The following RANBP2 variants were observed in gnomAD, a reference collection of about 807,000 sequenced individuals.
The protein encoded by RANBP2 is RAN binding protein 2.
In RANBP2, 57 loss-of-function variants were observed where a neutral mutation model predicts 303.6. The ratio of observed to expected loss-of-function variants is 0.19; its 90% CI spans 0.15 to 0.23. The LOEUF (loss-of-function observed/expected upper bound fraction) is 0.23. Among genes scored for constraint, RANBP2 ranks in the 10% least tolerant of loss-of-function variants. The pLI, the probability that RANBP2 is intolerant of heterozygous loss-of-function variation, is 1.00. For missense variants in RANBP2, 3,138 were observed against 3,780.8 expected, an observed-to-expected ratio of 0.83 and a Z score of 4.46; for synonymous variants, 1,167 against 1,301.5, an observed-to-expected ratio of 0.90 and a Z score of 2.23.
the RANBP2 span, among the ~76,000 whole-genome samples, chr2:109,225,417 G>A: frequency 6.6e-6 from 1 of 152,174 alleles, no homozygotes; most frequent in Non-Finnish European, 1.5e-5. Context: ...ACGTTAACAG[G>A]TTTCACAACG....
At chr2:109,472,363 C>T in the RANBP2 span, among the ~76,000 whole-genome samples, 7 of 151,868 alleles carry the variant, frequency 4.6e-5, no homozygotes, top group Admixed American at 4.6e-4. Flanking sequence ...GGTGTGCATG[C>T]AGGGTGTCCT....
chr2:109,017,190 G>A, the RANBP2 span, among the ~76,000 whole-genome samples: 91 of 152,308 alleles, frequency 6.0e-4, no homozygotes, highest in Admixed American at 2.3e-3. Context: ...CATTCTCTGC[G>A]TGCCAAAGGC....
chr2:109,242,782 G>T, the RANBP2 span, among the ~76,000 whole-genome samples: 1 of 152,194 alleles, frequency 6.6e-6, no homozygotes, highest in African/African-American at 2.4e-5. Flanking sequence ...TCAGGCTGGG[G>T]TGTGGCAAGT....
the RANBP2 span, among the ~76,000 whole-genome samples, chr2:108,825,011 T>C: frequency 6.6e-6 from 1 of 152,200 alleles, no homozygotes; most frequent in Non-Finnish European, 1.5e-5. Context: ...ACTAGACATA[T>C]GTATGGAAGA....
chr2:109,286,542 C>T, the RANBP2 span, among the ~76,000 whole-genome samples: 1 of 152,196 alleles, frequency 6.6e-6, no homozygotes, highest in Non-Finnish European at 1.5e-5. Flanking sequence ...AACCCCAGAG[C>T]CAGGGGTTTG....
chr2:109,520,461 G>A, the RANBP2 span, among the ~76,000 whole-genome samples: 2 of 151,928 alleles, frequency 1.3e-5, no homozygotes, highest in South Asian at 2.1e-4. Flanking sequence ...TTAGCCGGGG[G>A]TGGTGGCACA....
chr2:109,552,721 C>A, the RANBP2 span: 3 of 192,404 alleles, frequency 1.6e-5, no homozygotes, highest in Non-Finnish European at 1.1e-5. Context: ...CAAAGACAAA[C>A]CACCACTGAG....
chr2:109,501,589 G>A, the RANBP2 span: 5 of 779,562 alleles, frequency 6.4e-6, no homozygotes, highest in African/African-American at 5.1e-5. Context: ...CACAAGAAGC[G>A]TGAGGACGGC....
In RANBP2 at chr2:108,740,427, A is replaced by G. The variant is rs2693118; in HGVS notation, c.783-62A>G. ...ATTTTTATTTTGTTTTGAATTAAAT[A>G]AACCATGATTATTCACAGTGCAGTA... On this transcript the variant is annotated intron_variant, in intron 6 of 28. Transcript: ENST00000283195. The G allele has an allele frequency of 4.8e-5, 77 of 1,595,028 alleles. No individual in the cohort carries two copies. The Admixed American group carries it at 1.1e-3, about 22-fold the overall frequency.
the RANBP2 span, among the ~76,000 whole-genome samples, chr2:108,889,234 G>C: frequency 6.6e-6 from 1 of 152,138 alleles, no homozygotes; most frequent in Non-Finnish European, 1.5e-5. Flanking sequence ...CTATCCTGGA[G>C]AATGTTCCAT....
chr2:108,918,824 C>A, the RANBP2 span, among the ~76,000 whole-genome samples: 1 of 152,306 alleles, frequency 6.6e-6, no homozygotes, highest in South Asian at 2.1e-4. Flanking sequence ...GGCTGGGATT[C>A]TCTGCAGAGG....
the RANBP2 span, among the ~76,000 whole-genome samples, chr2:109,277,543 G>A: frequency 6.6e-6 from 1 of 152,288 alleles, no homozygotes; most frequent in African/African-American, 2.4e-5. Context: ...GCGCTGGTCC[G>A]TTGAAAGTGC....
chr2:109,150,672 G>T, the RANBP2 span, among the ~76,000 whole-genome samples: 1 of 152,036 alleles, frequency 6.6e-6, no homozygotes, highest in East Asian at 1.9e-4. Flanking sequence ...TCTGGTTCCA[G>T]TCTGGCTCTA....
At chr2:109,550,311 C>CTT in the RANBP2 span, among the ~76,000 whole-genome samples, 3 of 143,364 alleles carry the variant, frequency 2.1e-5, no homozygotes, top group Non-Finnish European at 1.5e-5. Flanking sequence ...AAAAAAGTAT[C>CTT]TTTTTTTTTT....
the RANBP2 span, among the ~76,000 whole-genome samples, chr2:109,393,082 A>G: frequency 6.6e-6 from 1 of 152,208 alleles, no homozygotes; most frequent in Non-Finnish European, 1.5e-5. Context: ...AGTGAGGGGA[A>G]GCTCCTGAGA....
the RANBP2 span, among the ~76,000 whole-genome samples, chr2:109,589,497 T>A: frequency 1.3e-5 from 2 of 151,860 alleles, no homozygotes; most frequent in Admixed American, 1.3e-4. Flanking sequence ...GCCACTGTGC[T>A]CCAGCCTGGA....
the RANBP2 span, among the ~76,000 whole-genome samples, chr2:109,438,622 G>A: frequency 1.3e-5 from 2 of 152,190 alleles, no homozygotes; most frequent in Non-Finnish European, 2.9e-5. Context: ...CCCTGGGAAA[G>A]AATCTGCAGC....
the RANBP2 span, among the ~76,000 whole-genome samples, chr2:109,102,075 T>C: frequency 6.6e-6 from 1 of 152,024 alleles, no homozygotes; most frequent in Non-Finnish European, 1.5e-5. Context: ...AGTGGCACAA[T>C]GTATATTTTT....
At chr2:108,786,721 CG>C (rs376621133), downstream of RANBP2, 12 of 1,119,676 alleles carry the variant, frequency 1.1e-5, no homozygotes, top group Middle Eastern at 2.5e-4. Context: ...GTGCGTGCCT[CG>C]GGGGGGCGGG....
Sources: allele counts gnomAD v4.1 joint callset (sites outside exome capture counted in the v4.1 genomes callset), GRCh38; gene constraint gnomAD v4.1.1; transcripts MANE v1.5; gene names NCBI Gene and HGNC (gene_info 2026-07-23, HGNC 2026-07-21).